LRRTM4: variants seen among roughly 807,000 people sequenced by gnomAD.
The protein encoded by LRRTM4 is leucine-rich repeat transmembrane neuronal protein 4.
In LRRTM4, 25 loss-of-function variants were observed where a neutral mutation model predicts 47.6. The observed-to-expected ratio is 0.53, with a 90% confidence interval of 0.38 to 0.73. The LOEUF (loss-of-function observed/expected upper bound fraction) is 0.73. Ranked by LOEUF, LRRTM4 falls within the 30% of genes least tolerant of loss-of-function variation. The pLI is 0.00. For missense variants in LRRTM4, 638 were observed against 713.4 expected (o/e 0.89, Z 1.20); for synonymous variants, 311 against 269.5 (o/e 1.15, Z -1.51).
intron 3 of LRRTM4, among the ~76,000 whole-genome samples, chr2:76,863,343 G>C (rs1352058203): frequency 2.0e-5 from 3 of 152,064 alleles, no homozygotes; most frequent in African/African-American, 7.2e-5. Context: ...AAATTTTTTG[G>C]ATTCTTAATA....
At chr2:77,287,235 T>A (rs145820099) in intron 3 of LRRTM4, among the ~76,000 whole-genome samples, 3,415 of 151,994 alleles carry the variant, frequency 0.022, 141 homozygotes, top group African/African-American at 0.078. Flanking sequence ...CTAGCACTTG[T>A]GTTTGGCTTG....
At chr2:76,830,984 G>A (rs1671334706) in intron 3 of LRRTM4, among the ~76,000 whole-genome samples, 1 of 152,016 alleles carries the variant, frequency 6.6e-6, no homozygotes, top group Non-Finnish European at 1.5e-5. Flanking sequence ...TTACAACTTA[G>A]CATAATTGGA....
chr2:76,800,838 A>C (rs1244091991), intron 3 of LRRTM4, among the ~76,000 whole-genome samples: 3 of 150,864 alleles, frequency 2.0e-5, no homozygotes, highest in Non-Finnish European at 4.4e-5. Flanking sequence ...ATGCAGCCAA[A>C]AAACACATGA....
intron 3 of LRRTM4, among the ~76,000 whole-genome samples, chr2:77,369,118 C>G (rs1423013599): frequency 1.3e-5 from 2 of 151,592 alleles, no homozygotes; most frequent in South Asian, 4.1e-4. Context: ...TTTTATGTAC[C>G]TGTTGGCCAT....
chr2:77,191,858 A>C (rs1481771439), intron 3 of LRRTM4, among the ~76,000 whole-genome samples: 2 of 151,974 alleles, frequency 1.3e-5, no homozygotes, highest in Non-Finnish European at 2.9e-5. Context: ...ACTTTTTCTG[A>C]TTCTCTGCCA....
intron 3 of LRRTM4, among the ~76,000 whole-genome samples, chr2:77,463,689 C>T (rs866546084): frequency 6.6e-6 from 1 of 152,040 alleles, no homozygotes; most frequent in Admixed American, 6.6e-5. Flanking sequence ...TACATTCCTC[C>T]TAGTTCAACC....
At chr2:76,835,283 A>T (rs1291315247) in intron 3 of LRRTM4, among the ~76,000 whole-genome samples, 1 of 144,520 alleles carries the variant, frequency 6.9e-6, no homozygotes, top group East Asian at 2.2e-4. Flanking sequence ...AGAAAAAAAC[A>T]CTAAATGAAA....
At chr2:76,781,248 A>T (rs1405975894) in intron 3 of LRRTM4, among the ~76,000 whole-genome samples, 1 of 151,644 alleles carries the variant, frequency 6.6e-6, no homozygotes, top group Admixed American at 6.6e-5. Context: ...CTACAGAGGC[A>T]GGCAGGCCTC....
At chr2:77,216,996 C>G (rs1412401534) in intron 3 of LRRTM4, among the ~76,000 whole-genome samples, 5 of 151,004 alleles carry the variant, frequency 3.3e-5, no homozygotes, top group Non-Finnish European at 7.4e-5. Context: ...TGGCGTGAAC[C>G]TGGGAGGCAG....
intron 3 of LRRTM4, chr2:76,987,579 G>A (rs1231588932): frequency 6.6e-6 from 1 of 151,770 alleles, no homozygotes; most frequent in Non-Finnish European, 1.5e-5. Context: ...AAGTAATGAT[G>A]TGGTAACAAT....
intron 3 of LRRTM4, among the ~76,000 whole-genome samples, chr2:77,469,370 G>A (rs1248466431): frequency 2.0e-5 from 3 of 151,908 alleles, no homozygotes; most frequent in Non-Finnish European, 4.4e-5. Context: ...AAGAGAGAAT[G>A]TGTCAGGGGG....
In LRRTM4 at chr2:76,865,033, T is replaced by C. The variant is rs372756599; in HGVS notation, c.1552-116117A>G. 7.9e-5 allele frequency among the ~76,000 whole-genome samples: 12 copies of C among 152,124 alleles called. No homozygotes were observed. The South Asian group carries it at 2.3e-3, about 29-fold the overall frequency. On this transcript the variant is annotated intron_variant, in intron 3 of 3. Coordinates refer to ENST00000409884, the MANE Select transcript of LRRTM4 (RefSeq NM_001134745.3). ...TTACTTAATTATATTCTTTCCATTA[T>C]TGAAGGAGAAAACCATTACTGTGGT...
Position 77,519,930 on chromosome 2 carries a change from C to T in LRRTM4, c.5-66G>A, listed in dbSNP as rs749277978. 6.4e-5 allele frequency: 94 copies of T among 1,472,770 alleles called. No individual in the cohort carries two copies. The highest frequency in any genetic ancestry group is 8.3e-5 in the Non-Finnish European group (92 of 1,112,320). 91.2% of individuals were successfully genotyped at this position (1,472,770 alleles called of 1,614,324 possible). On this transcript the variant is annotated intron_variant, in intron 2 of 3. Coordinates refer to ENST00000409884, the MANE Select transcript of LRRTM4 (RefSeq NM_001134745.3). The surrounding 1 kb of genome is among the most constrained non-coding windows in gnomAD (Gnocchi z 4.6). ...ATTAAAATAAATCACCGTCGGTTTA[C>T]CAACAACAGGGGCATTTCCTCTAGT...
At chr2:76,775,500 AT>A (rs1673929743) in intron 3 of LRRTM4, among the ~76,000 whole-genome samples, 1 of 152,150 alleles carries the variant, frequency 6.6e-6, no homozygotes, top group Non-Finnish European at 1.5e-5. Context: ...CTGGAAAGGT[AT>A]TTTTTGACAA....
intron 3 of LRRTM4, among the ~76,000 whole-genome samples, chr2:77,469,986 T>C (rs1677124856): frequency 6.6e-6 from 1 of 152,164 alleles, no homozygotes; most frequent in African/African-American, 2.4e-5. Flanking sequence ...TGAATTTATA[T>C]TTCTGGAAAG....
At chr2:76,986,236 T>A (rs760112168) in intron 3 of LRRTM4, among the ~76,000 whole-genome samples, 5 of 150,206 alleles carry the variant, frequency 3.3e-5, no homozygotes, top group Non-Finnish European at 7.4e-5. Context: ...AAAATTCTGT[T>A]CTTTTAGTTG....
chr2:77,328,342 G>A (rs1356871789), intron 3 of LRRTM4, among the ~76,000 whole-genome samples: 1 of 152,136 alleles, frequency 6.6e-6, no homozygotes, highest in Non-Finnish European at 1.5e-5. Flanking sequence ...TGCCAGCTTT[G>A]GATGTGATTG....
chr2:77,246,611 T>C (rs1193837522), intron 3 of LRRTM4, among the ~76,000 whole-genome samples: 1 of 152,112 alleles, frequency 6.6e-6, no homozygotes, highest in African/African-American at 2.4e-5. Flanking sequence ...GGCAATTCTA[T>C]TCTAGAAAAC....
At chr2:77,094,964 A>G (rs1331476600) in intron 3 of LRRTM4, among the ~76,000 whole-genome samples, 2 of 152,238 alleles carry the variant, frequency 1.3e-5, no homozygotes, top group South Asian at 2.1e-4. Flanking sequence ...TCTGTAAAGC[A>G]AAACAATTAA....
Sources: gnomAD v4.1 joint callset for allele counts (sites outside exome capture counted in the v4.1 genomes callset) on GRCh38, gnomAD v4.1.1 for gene constraint, Gnocchi (gnomAD v3.1) non-coding constraint, MANE v1.5 for transcripts, NCBI Gene and HGNC (gene_info 2026-07-23, HGNC 2026-07-21) for gene names.